KLC2: variants seen among roughly 807,000 people sequenced by gnomAD.
KLC2 encodes the protein KLC 2.
A neutral mutation model predicts 75.1 loss-of-function variants in KLC2; 35 were observed. That is an observed-to-expected ratio of 0.47 (90% CI 0.36 to 0.62). The LOEUF (loss-of-function observed/expected upper bound fraction) is 0.62, where lower values mean the gene tolerates loss of function less well. Ranked by LOEUF, KLC2 falls within the 20% of genes least tolerant of loss-of-function variation. KLC2 has a pLI of 0.00. For synonymous variants in KLC2, 314 were observed against 336.7 expected (o/e 0.93, Z 0.74); for missense variants, 611 against 833.2 (o/e 0.73, Z 3.28).
At chr11:66,266,536 C>G in intron 15 of KLC2, 46 bp downstream of exon 15, 1 of 1,559,748 alleles carries the variant, frequency 6.4e-7, no homozygotes, top group Middle Eastern at 1.7e-4. Flanking sequence ...GCGGCCGGGG[C>G]TGCATGCGTG....
chr11:66,263,638 C>T (rs762095661), intron 5 of KLC2, 22 bp from the exon 6 acceptor site: 2 of 1,576,660 alleles, frequency 1.3e-6, no homozygotes, highest in African/African-American at 2.7e-5. Context: ...ACAGCCCTGA[C>T]CATGCTCCTA....
At position 66,263,678 on chromosome 11, in the gene KLC2, G is replaced by A. The variant is rs777576861; in HGVS notation, c.771G>A (p.Lys257=). ...CTCCCAGGGATCAGAACAAGTACAA[G>A]GAGGCTGCCCACCTGCTCAATGATG... is the stretch of plus-strand genomic sequence containing the variant. ...ALVYRDQNKY[K]EAAHLLNDAL... is the part of the protein sequence containing the mutation. Residue 257 remains lysine (K), a synonymous_variant, in exon 6 of 16, where the codon AAG becomes AAA. Coordinates refer to ENST00000394067, the MANE Select transcript of KLC2 (RefSeq NM_001318734.2). 1 of 1,613,860 alleles carries A rather than the reference G, an allele frequency of 6.2e-7. No individual in the cohort carries two copies. The highest frequency in any genetic ancestry group is 8.5e-7 in the Non-Finnish European group (1 of 1,179,754).
chr11:66,252,379 G>A (rs180702139), upstream of KLC2, among the ~76,000 whole-genome samples: 1,112 of 147,048 alleles, frequency 7.6e-3, 17 homozygotes, highest in African/African-American at 0.026. Flanking sequence ...TCCGCCTCCC[G>A]GGTTCGCGCC....
intron 2 of KLC2, among the ~76,000 whole-genome samples, chr11:66,260,587 C>G (rs1213640048): frequency 6.6e-6 from 1 of 151,774 alleles, no homozygotes; most frequent in Non-Finnish European, 1.5e-5. Flanking sequence ...GACCCTGTAT[C>G]TACAAAAAAT....
At chr11:66,258,260 C>CAG (rs768605542) in intron 1 of KLC2, 1 of 319,444 alleles carries the variant, frequency 3.1e-6, no homozygotes, top group Non-Finnish European at 5.9e-6. Context: ...GTCTCCTGCA[C>CAG]AGGAGTGAGC....
chr11:66,266,921 A>G lies in KLC2; in HGVS notation c.1834A>G (p.Met612Val), dbSNP rs1856873414. Residue 612 changes from methionine to valine, a missense_variant, in exon 16 of 16, where the codon ATG becomes GTG. Transcript: ENST00000394067. ...CAGCCGCACTCTCAGCTCCAGCTCCATGGACCTCTCCCGACGAAGCTCCCT... is the reference window on the plus strand; with the variant it reads ...CAGCCGCACTCTCAGCTCCAGCTCCGTGGACCTCTCCCGACGAAGCTCCCT... ...SDSRTLSSSSMDLSRRSSLVG is the reference protein window; with the variant it reads ...SDSRTLSSSSVDLSRRSSLVG The G allele has an allele frequency of 1.2e-6, 2 of 1,613,508 alleles. No individual in the cohort carries two copies. Among genetic ancestry groups the G allele is most frequent in the South Asian group, 1.1e-5 (1 of 91,080 alleles).
At chr11:66,246,627 A>G in the KLC2 span, among the ~76,000 whole-genome samples, 2 of 152,200 alleles carry the variant, frequency 1.3e-5, no homozygotes, top group Non-Finnish European at 2.9e-5. Context: ...AGAGACTTCC[A>G]GATTCTCTTC....
rs759732063 is a variant in KLC2, at chr11:66,261,783, A to G, written c.270A>G (p.Ser90=). Residue 90 remains serine (S), a synonymous_variant, in exon 3 of 16, where the codon TCA becomes TCG. Transcript: ENST00000394067. ...CGAGCCACCTGGGGGCTGTAGAATC[A>G]GAGAAGCAGAAGCTGCGGGCGCAGG... ...ALSSHLGAVE[S]EKQKLRAQVR... 6.2e-7 allele frequency: 1 copy of G among 1,612,548 alleles called. No individual in the cohort carries two copies. The highest frequency in any genetic ancestry group is 1.3e-5 in the African/African-American group (1 of 74,892).
chr11:66,255,683 C>T (rs1856003326), upstream of KLC2, among the ~76,000 whole-genome samples: 2 of 151,718 alleles, frequency 1.3e-5, no homozygotes, highest in East Asian at 1.9e-4. Context: ...AAGTTGCTTC[C>T]GGAGAGGGGG....
intron 14 of KLC2, 107 bp from the exon 15 acceptor site, chr11:66,266,326 G>A: frequency 6.7e-7 from 1 of 1,487,740 alleles, no homozygotes; most frequent in South Asian, 1.3e-5. Context: ...TCCCTCTCAG[G>A]CTCCACCACC....
intron 2 of KLC2, 40 bp downstream of exon 2, chr11:66,258,862 G>A (rs1174871071): frequency 7.1e-7 from 1 of 1,413,812 alleles, no homozygotes; most frequent in East Asian, 2.3e-5. Context: ...GGTCACTGGA[G>A]GGATCGAGCC....
chr11:66,263,349 A>G (rs1316593781), intron 5 of KLC2, among the ~76,000 whole-genome samples: 1 of 152,216 alleles, frequency 6.6e-6, no homozygotes, highest in African/African-American at 2.4e-5. Flanking sequence ...AAAAGCCAGC[A>G]TGAGCAAAGG....
In KLC2 at chr11:66,266,885, G is replaced by T; in HGVS notation, c.1798G>T (p.Gly600Cys). The T allele has an allele frequency of 6.2e-7, 1 of 1,613,418 alleles. No homozygotes were observed. Among genetic ancestry groups the T allele is most frequent in the Non-Finnish European group, 8.5e-7 (1 of 1,180,006 alleles). ...VEEPTQPGGT[G>C]LSDSRTLSSS... ...CCTCTGCCCACAGCCTGGAGGCACA[G>T]GTCTCTCTGACAGCCGCACTCTCAG... Residue 600 changes from glycine to cysteine, a missense_variant, in exon 16 of 16, where the codon GGT (glycine) becomes TGT (cysteine). Transcript: ENST00000394067.
At chr11:66,253,391 C>T (rs1434649793), upstream of KLC2, among the ~76,000 whole-genome samples, 1 of 152,094 alleles carries the variant, frequency 6.6e-6, no homozygotes, top group Non-Finnish European at 1.5e-5. Flanking sequence ...TTCAGTGGGA[C>T]GAGGGCTTCT....
the KLC2 span, among the ~76,000 whole-genome samples, chr11:66,246,973 A>G: frequency 6.6e-6 from 1 of 151,964 alleles, no homozygotes; most frequent in African/African-American, 2.4e-5. Flanking sequence ...AGCCTCTAAT[A>G]TAGCCTCCTC....
At chr11:66,251,407 G>A in the KLC2 span, among the ~76,000 whole-genome samples, 6 of 134,902 alleles carry the variant, frequency 4.4e-5, 1 homozygote, top group Admixed American at 2.1e-4. Context: ...CACAAGAATC[G>A]CTTGAACCTG....
chr11:66,252,076 C>T, the KLC2 span, among the ~76,000 whole-genome samples: 3 of 152,170 alleles, frequency 2.0e-5, no homozygotes, highest in Non-Finnish European at 2.9e-5. Flanking sequence ...CAGTCTCTGC[C>T]GCCTCATTTG....
At chr11:66,254,083 G>A (rs1257677506), upstream of KLC2, among the ~76,000 whole-genome samples, 4 of 152,136 alleles carry the variant, frequency 2.6e-5, no homozygotes, top group Non-Finnish European at 5.9e-5. Flanking sequence ...TTAGCCAGGT[G>A]TGGTGGCAGG....
Position 66,265,255 on chromosome 11 carries a change from G to T in KLC2, c.1334+20G>T. The T allele has an allele frequency of 1.3e-6, 2 of 1,510,334 alleles. No individual in the cohort carries two copies. The highest frequency in any genetic ancestry group is 1.8e-6 in the Non-Finnish European group (2 of 1,085,300). The allele number at this position is 1,510,334 out of a possible 1,614,324, so 93.6% of individuals were successfully genotyped here. On this transcript the variant is annotated intron_variant, in intron 11 of 15. Transcript: ENST00000394067. Reference sequence around the variant, plus strand: ...AGACAGGTGAGTGGGGCGGGGCTGGGCTGGGGAGCAGGGCACGGCAGGGCG... The same window carrying T: ...AGACAGGTGAGTGGGGCGGGGCTGGTCTGGGGAGCAGGGCACGGCAGGGCG...
Sources: gnomAD v4.1 joint callset for allele counts (sites outside exome capture counted in the v4.1 genomes callset) on GRCh38, gnomAD v4.1.1 for gene constraint, MANE v1.5 for transcripts, NCBI Gene and HGNC (gene_info 2026-07-23, HGNC 2026-07-21) for gene names.